The following MSI2 variants were observed in gnomAD, a reference collection of about 807,000 sequenced individuals.
The protein encoded by MSI2 is RNA-binding protein Musashi homolog 2.
A neutral mutation model predicts 45.6 loss-of-function variants in MSI2; 17 were observed. The observed-to-expected ratio is 0.37, with a 90% CI of 0.26 to 0.56. The LOEUF is 0.56. Among genes scored for constraint, MSI2 ranks in the 20% least tolerant of loss-of-function variants. The pLI is 0.77. For synonymous variants in MSI2, 156 were observed against 158.2 expected (o/e 0.99, Z 0.11); for missense variants, 293 against 444.2 (o/e 0.66, Z 3.06).
At chr17:57,385,126 T>G (rs1366746606) in intron 5 of MSI2, among the ~76,000 whole-genome samples, 1 of 152,204 alleles carries the variant, frequency 6.6e-6, no homozygotes, top group African/African-American at 2.4e-5. Flanking sequence ...CTAACCGTTC[T>G]TACAGGCTCT....
chr17:57,328,964 A>C (rs1454174981), intron 5 of MSI2, among the ~76,000 whole-genome samples: 1 of 152,078 alleles, frequency 6.6e-6, no homozygotes, highest in Non-Finnish European at 1.5e-5. Context: ...ATATTTGTGA[A>C]TGATTAAGAA....
intron 6 of MSI2, among the ~76,000 whole-genome samples, chr17:57,450,586 G>A (rs747712912): frequency 4.9e-5 from 7 of 143,136 alleles, no homozygotes; most frequent in Non-Finnish European, 1.0e-4. Flanking sequence ...AGGAAAATTC[G>A]CTTGAACTCG....
At chr17:57,668,646 G>A (rs1364421801) in intron 11 of MSI2, among the ~76,000 whole-genome samples, 1 of 152,186 alleles carries the variant, frequency 6.6e-6, no homozygotes, top group Non-Finnish European at 1.5e-5. Context: ...CGTGCAGTGT[G>A]TAAGAGGAGC....
chr17:57,432,537 T>G (rs2084615956), intron 6 of MSI2: 1 of 152,418 alleles, frequency 6.6e-6, no homozygotes, highest in Non-Finnish European at 1.5e-5. Flanking sequence ...GGCTTCTTCC[T>G]TAGAGATGTT....
intron 7 of MSI2, among the ~76,000 whole-genome samples, chr17:57,578,729 C>G (rs11658696): frequency 0.41 from 62,610 of 151,780 alleles, 13,061 homozygotes; most frequent in Admixed American, 0.45. Context: ...TGATTAGTTG[C>G]CTTGCTACTT....
intron 10 of MSI2, chr17:57,628,899 G>A (rs1298544783): frequency 1.3e-5 from 2 of 152,684 alleles, no homozygotes; most frequent in Non-Finnish European, 2.9e-5. Context: ...CACCACAAGA[G>A]AGGCCAGCAC....
intron 4 of MSI2, among the ~76,000 whole-genome samples, chr17:57,261,717 A>G (rs1309961760): frequency 1.3e-5 from 2 of 152,204 alleles, no homozygotes; most frequent in African/African-American, 4.8e-5. Context: ...ATACCATCCA[A>G]TTACCTACTG....
intron 8 of MSI2, among the ~76,000 whole-genome samples, chr17:57,597,987 G>A (rs1598435008): frequency 6.6e-6 from 1 of 152,152 alleles, no homozygotes; most frequent in South Asian, 2.1e-4. Flanking sequence ...AGTCGTGTAG[G>A]CCTCCCAGAT....
chr17:57,450,578 G>A (rs1323881225), intron 6 of MSI2, among the ~76,000 whole-genome samples: 1 of 140,860 alleles, frequency 7.1e-6, no homozygotes, highest in African/African-American at 2.6e-5. Flanking sequence ...GCTGAGGCAG[G>A]AAAATTCGCT....
At chr17:57,358,501 T>G (rs140299093) in intron 5 of MSI2, among the ~76,000 whole-genome samples, 71 of 152,238 alleles carry the variant, frequency 4.7e-4, no homozygotes, top group Middle Eastern at 3.4e-3. Flanking sequence ...AAGGATCTTT[T>G]GGAAAAGTGA....
chr17:57,558,110 G>A (rs1598398648), intron 7 of MSI2, among the ~76,000 whole-genome samples: 3 of 152,136 alleles, frequency 2.0e-5, no homozygotes, highest in African/African-American at 7.2e-5. Flanking sequence ...GGCGTGGGGA[G>A]CTGACAAAAT....
chr17:57,594,962 C>T (rs1265051797), intron 7 of MSI2, among the ~76,000 whole-genome samples: 1 of 152,208 alleles, frequency 6.6e-6, no homozygotes, highest in African/African-American at 2.4e-5. Flanking sequence ...TGATAAAGAT[C>T]ACGATTGCTG....
At chr17:57,541,269 A>T (rs766761743) in intron 7 of MSI2, among the ~76,000 whole-genome samples, 2 of 152,194 alleles carry the variant, frequency 1.3e-5, no homozygotes, top group African/African-American at 2.4e-5. Context: ...CAGTACAGTT[A>T]TGAGTTGTCA....
intron 6 of MSI2, among the ~76,000 whole-genome samples, chr17:57,514,065 C>T (rs2086415333): frequency 6.6e-6 from 1 of 152,146 alleles, no homozygotes; most frequent in Admixed American, 6.5e-5. Context: ...GGATTCCTCA[C>T]ACAGTCTGAT....
chr17:57,412,775 C>CTT (rs112870393), intron 6 of MSI2, among the ~76,000 whole-genome samples: 1 of 149,624 alleles, frequency 6.7e-6, no homozygotes, highest in South Asian at 2.2e-4. Flanking sequence ...AGTTTTCATA[C>CTT]CCCCTTGGCT....
chr17:57,450,058 C>G (rs888919048), intron 6 of MSI2: 1 of 152,170 alleles, frequency 6.6e-6, no homozygotes, highest in Admixed American at 6.6e-5. Context: ...AAACAAAAAA[C>G]TGTAGCACCT....
At chr17:57,500,626 C>G (rs1373024225) in intron 6 of MSI2, among the ~76,000 whole-genome samples, 1 of 151,668 alleles carries the variant, frequency 6.6e-6, no homozygotes, top group African/African-American at 2.4e-5. Context: ...ACTGTCCTGT[C>G]TCTTCTGAAG....
chr17:57,322,174 C>T (rs988219925), intron 5 of MSI2, among the ~76,000 whole-genome samples: 5 of 152,172 alleles, frequency 3.3e-5, no homozygotes, highest in African/African-American at 1.2e-4. Context: ...AGTACTGAGA[C>T]CAGAGCTCAG....
chr17:57,485,871 A>G (rs1302647058), intron 6 of MSI2, among the ~76,000 whole-genome samples: 1 of 152,188 alleles, frequency 6.6e-6, no homozygotes, highest in East Asian at 1.9e-4. Context: ...CACTAGGTGA[A>G]GCAAGCCCTC....
Sources: allele counts gnomAD v4.1 joint callset (sites outside exome capture counted in the v4.1 genomes callset), GRCh38; gene constraint gnomAD v4.1.1; transcripts MANE v1.5; gene names NCBI Gene and HGNC (gene_info 2026-07-23, HGNC 2026-07-21).